Variants in AP4S1 observed in about 807,000 individuals in gnomAD.
AP4S1 encodes the protein adaptor related protein complex 4 subunit sigma 1.
In AP4S1, 23 loss-of-function variants were observed where a neutral mutation model predicts 19.8. The ratio of observed to expected loss-of-function variants is 1.16; its 90% CI spans 0.84 to 1.65. AP4S1 has a LOEUF of 1.65. Among genes scored for constraint, AP4S1 ranks in the 40% most tolerant of loss-of-function variants. The pLI is 0.00. For synonymous variants in AP4S1, 46 were observed against 54.1 expected (o/e 0.85, Z 0.66); for missense variants, 166 against 172.8 (o/e 0.96, Z 0.22).
chr14:31,025,382 A>G, upstream of AP4S1: 1 of 165,822 alleles, frequency 6.0e-6, no homozygotes, highest in Non-Finnish European at 1.3e-5. Flanking sequence ...CAGCCCAGGA[A>G]AGAAGCGTGG....
At chr14:31,080,674 A>G in intron 5 of AP4S1, 90 bp downstream of exon 5, 1 of 1,568,594 alleles carries the variant, frequency 6.4e-7, no homozygotes, top group Non-Finnish European at 8.8e-7. Flanking sequence ...AAAACTATTC[A>G]GCAGAGTCCA....
chr14:31,025,970 G>T, intron 1 of AP4S1, 183 bp downstream of exon 1: 1 of 1,584,978 alleles, frequency 6.3e-7, no homozygotes, highest in Non-Finnish European at 8.6e-7. Context: ...ACTCGTGCTG[G>T]ATGTAGTGCA....
intron 4 of AP4S1, among the ~76,000 whole-genome samples, 197 bp from the exon 5 acceptor site, chr14:31,080,376 C>A (rs939109643): frequency 2.6e-5 from 4 of 152,164 alleles, no homozygotes; most frequent in African/African-American, 9.7e-5. Flanking sequence ...TTCCTTTGAA[C>A]TACAGCCTAT....
In AP4S1 at chr14:31,095,941, C is replaced by G. The variant is rs959260116; in HGVS notation, c.*2906C>G. On this transcript the variant is annotated 3_prime_UTR_variant, in exon 6 of 6. Transcript: ENST00000542754. ...TCTACTAAAACTACGAAAAATTAGC[C>G]GGGCATGGTGGCACGCGCCTATAAT... The G allele has an allele frequency of 2.6e-5, 4 of 151,804 alleles. No homozygotes were observed. The highest frequency in any genetic ancestry group is 9.7e-5 in the African/African-American group (4 of 41,312). 9.4% of individuals were successfully genotyped at this position (151,804 alleles called of 1,614,324 possible).
intron 1 of AP4S1, among the ~76,000 whole-genome samples, chr14:31,044,396 T>C (rs1286825574): frequency 2.0e-5 from 3 of 152,134 alleles, no homozygotes; most frequent in South Asian, 2.1e-4. Context: ...AACTAGAGTA[T>C]TGTGGCATAA....
At chr14:31,044,392 A>G (rs1885276250) in intron 1 of AP4S1, among the ~76,000 whole-genome samples, 1 of 152,050 alleles carries the variant, frequency 6.6e-6, no homozygotes, top group Non-Finnish European at 1.5e-5. Context: ...CCCAAACTAG[A>G]GTATTGTGGC....
chr14:31,039,578 T>G lies in AP4S1; in HGVS notation c.-72+13791T>G, dbSNP rs551386335. On this transcript the variant is annotated intron_variant, in intron 1 of 5. Coordinates refer to ENST00000542754, the MANE Select transcript of AP4S1 (RefSeq NM_001128126.3). Reference sequence around the variant, plus strand: ...ATACAATAGGTGTAGTTTTGTTTTTTTTTTTTTTTTTTGAGACGGAGTTTC... The same window carrying G: ...ATACAATAGGTGTAGTTTTGTTTTTGTTTTTTTTTTTTGAGACGGAGTTTC... Among the ~76,000 whole-genome samples the G allele has an allele frequency of 6.2e-4, 92 of 147,850 alleles. 2 individuals carry two copies. The highest frequency in any genetic ancestry group is 1.1e-3 in the African/African-American group (46 of 40,428).
intron 5 of AP4S1, 65 bp downstream of exon 5, chr14:31,080,649 G>A (rs1887590527): frequency 6.2e-7 from 1 of 1,610,202 alleles, no homozygotes; most frequent in African/African-American, 1.3e-5. Context: ...TATCAGGTAA[G>A]TACCACAAGG....
intron 5 of AP4S1, among the ~76,000 whole-genome samples, chr14:31,084,549 G>A (rs1887824163): frequency 6.6e-6 from 1 of 152,186 alleles, no homozygotes; most frequent in African/African-American, 2.4e-5. Context: ...GTGTCAGGTG[G>A]GGCGGGCTGC....
At chr14:31,069,793 A>G in intron 2 of AP4S1, 50 bp from the exon 3 acceptor site, 1 of 1,392,732 alleles carries the variant, frequency 7.2e-7, no homozygotes, top group South Asian at 1.2e-5. Context: ...GTCATTTTAA[A>G]GAACTCTCTC....
chr14:31,036,348 G>C (rs1488160161), intron 1 of AP4S1, among the ~76,000 whole-genome samples: 1 of 151,990 alleles, frequency 6.6e-6, no homozygotes, highest in Non-Finnish European at 1.5e-5. Flanking sequence ...CTCCCAAAGT[G>C]CTGGGATTAC....
At chr14:31,087,892 G>T (rs1887964024) in intron 5 of AP4S1, among the ~76,000 whole-genome samples, 1 of 152,164 alleles carries the variant, frequency 6.6e-6, no homozygotes, top group African/African-American at 2.4e-5. Flanking sequence ...TTCACATTCA[G>T]ATTTCAAAAC....
At chr14:31,087,023 T>G (rs901024904) in intron 5 of AP4S1, among the ~76,000 whole-genome samples, 3 of 151,710 alleles carry the variant, frequency 2.0e-5, no homozygotes, top group Non-Finnish European at 4.4e-5. Flanking sequence ...AAAAAATAGT[T>G]CTGGGAATAC....
chr14:31,026,134 GA>G, intron 1 of AP4S1: 1 of 1,497,856 alleles, frequency 6.7e-7, no homozygotes, highest in Non-Finnish European at 8.9e-7. Flanking sequence ...TGCTGCCGGG[GA>G]GGGGCCGCCA....
chr14:31,042,742 C>A (rs1208997266), intron 1 of AP4S1, among the ~76,000 whole-genome samples: 1 of 152,100 alleles, frequency 6.6e-6, no homozygotes, highest in African/African-American at 2.4e-5. Flanking sequence ...AATACAGTAT[C>A]CTTTTCAGTA....
Position 31,039,840 on chromosome 14 carries a change from C to T in AP4S1, c.-72+14053C>T, listed in dbSNP as rs187250986. On this transcript the variant is annotated intron_variant, in intron 1 of 5. Transcript: ENST00000542754. Reference sequence around the variant, plus strand: ...TCCTGACCTCGTGATCCGCCCGTCTCGGCCTCCCAAAGTGCTGGGATTACA... The same window carrying T: ...TCCTGACCTCGTGATCCGCCCGTCTTGGCCTCCCAAAGTGCTGGGATTACA... Among the ~76,000 whole-genome samples, 1,493 of 152,068 alleles carry T rather than the reference C, an allele frequency of 9.8e-3. 31 individuals carry two copies. The highest frequency in any genetic ancestry group is 0.034 in the African/African-American group (1,395 of 41,466).
intron 1 of AP4S1, chr14:31,027,123 A>T (rs1478113848): frequency 6.9e-6 from 1 of 145,498 alleles, no homozygotes; most frequent in East Asian, 2.0e-4. Context: ...GGGTTGGGAG[A>T]GGGGGAGGAG....
At chr14:31,089,623 C>G (rs1413192164) in intron 5 of AP4S1, among the ~76,000 whole-genome samples, 1 of 152,160 alleles carries the variant, frequency 6.6e-6, no homozygotes. Context: ...GATCAAAATT[C>G]CAATGTTGGG....
At chr14:31,047,568 GT>G (rs1028585180) in intron 1 of AP4S1, among the ~76,000 whole-genome samples, 3 of 151,060 alleles carry the variant, frequency 2.0e-5, no homozygotes, top group East Asian at 1.9e-4. Context: ...ATTTTTTATG[GT>G]TTTTTTTAGT....
Sources: gnomAD v4.1 joint callset for allele counts (sites outside exome capture counted in the v4.1 genomes callset) on GRCh38, gnomAD v4.1.1 for gene constraint, MANE v1.5 for transcripts, NCBI Gene and HGNC (gene_info 2026-07-23, HGNC 2026-07-21) for gene names.